The following PDZRN4 variants were observed in gnomAD, a reference collection of about 807,000 sequenced individuals.
PDZRN4 encodes PDZ domain containing ring finger 4, also known as PDZ domain-containing RING finger protein 4.
In PDZRN4, 70 loss-of-function variants were observed where a neutral mutation model predicts 99.0. That is an observed-to-expected ratio of 0.71 (90% CI 0.58 to 0.86). PDZRN4 has a LOEUF of 0.86. Among genes scored for constraint, PDZRN4 ranks in the 40% least tolerant of loss-of-function variants. The pLI is 0.00. For synonymous variants in PDZRN4, 551 were observed against 501.6 expected (o/e 1.10, Z -1.32); for missense variants, 1,474 against 1,331.2 (o/e 1.11, Z -1.67).
chr12:41,512,734 G>A (rs543333996), intron 5 of PDZRN4, among the ~76,000 whole-genome samples: 1 of 152,194 alleles, frequency 6.6e-6, no homozygotes, highest in South Asian at 2.1e-4. Flanking sequence ...GAGGGAGTGG[G>A]GTATTGGACC....
At chr12:41,342,895 GACA>G (rs1272083055) in intron 3 of PDZRN4, among the ~76,000 whole-genome samples, 4 of 151,832 alleles carry the variant, frequency 2.6e-5, no homozygotes, top group African/African-American at 9.7e-5. Context: ...ACATAGAAGA[GACA>G]ACTACACTCC....
chr12:41,197,083 T>C (rs1174795941), intron 3 of PDZRN4, among the ~76,000 whole-genome samples: 3 of 152,136 alleles, frequency 2.0e-5, no homozygotes, highest in Admixed American at 6.5e-5. Flanking sequence ...AGAGATTCTA[T>C]GGTTTATATA....
intron 3 of PDZRN4, among the ~76,000 whole-genome samples, chr12:41,242,890 C>T (rs1458593371): frequency 6.6e-6 from 1 of 152,164 alleles, no homozygotes; most frequent in East Asian, 1.9e-4. Flanking sequence ...CTCAGCATAG[C>T]CACTGCCCAG....
chr12:41,435,293 T>C (rs1182555214), intron 3 of PDZRN4, among the ~76,000 whole-genome samples: 2 of 152,230 alleles, frequency 1.3e-5, no homozygotes, highest in Non-Finnish European at 2.9e-5. Context: ...GATTGTTTCA[T>C]TGTTCTTTAA....
At position 41,376,079 on chromosome 12, in the gene PDZRN4, A is replaced by AT. The variant is rs562947276; in HGVS notation, c.844-130370dup. Reference sequence around the variant, plus strand: ...TCATCACAAATAGCAGGATTTCCTTATTTTTTTCCTTGGATATGGCTGAAT... The same window carrying AT: ...TCATCACAAATAGCAGGATTTCCTTATTTTTTTTCCTTGGATATGGCTGAAT... On this transcript the variant is annotated intron_variant, in intron 3 of 9. Coordinates refer to ENST00000402685, the MANE Select transcript of PDZRN4 (RefSeq NM_001164595.2). 4.7e-3 allele frequency among the ~76,000 whole-genome samples: 717 copies of AT among 151,938 alleles called. 7 individuals are homozygous for AT. The highest frequency in any genetic ancestry group is 0.017 in the Middle Eastern group (5 of 294).
intron 3 of PDZRN4, among the ~76,000 whole-genome samples, chr12:41,276,291 A>G (rs1009337521): frequency 6.6e-6 from 1 of 152,138 alleles, no homozygotes; most frequent in Non-Finnish European, 1.5e-5. Flanking sequence ...GGGACCTAAT[A>G]CAAGAAAGCA....
chr12:41,248,617 G>A (rs926217983), intron 3 of PDZRN4, among the ~76,000 whole-genome samples: 1 of 152,010 alleles, frequency 6.6e-6, no homozygotes, highest in African/African-American at 2.4e-5. Flanking sequence ...AAAGAACTCA[G>A]GTCATTTATG....
chr12:41,525,351 T>G (rs892036192), intron 5 of PDZRN4, among the ~76,000 whole-genome samples: 4 of 152,202 alleles, frequency 2.6e-5, no homozygotes, highest in Non-Finnish European at 4.4e-5. Flanking sequence ...CAAGCTTCAC[T>G]GCTTAGTACT....
At chr12:41,536,309 A>C (rs150418963) in intron 5 of PDZRN4, among the ~76,000 whole-genome samples, 2 of 152,332 alleles carry the variant, frequency 1.3e-5, no homozygotes, top group African/African-American at 4.8e-5. Context: ...ATAAATACAC[A>C]TTACTAAGTG....
chr12:41,416,815 A>G (rs955087598), intron 3 of PDZRN4, among the ~76,000 whole-genome samples: 4 of 152,158 alleles, frequency 2.6e-5, no homozygotes, highest in African/African-American at 7.2e-5. Flanking sequence ...GTTCTGAAGT[A>G]TGTGTAGGAT....
At chr12:41,232,330 A>G (rs1490221628) in intron 3 of PDZRN4, among the ~76,000 whole-genome samples, 1 of 152,062 alleles carries the variant, frequency 6.6e-6, no homozygotes, top group African/African-American at 2.4e-5. Context: ...GAATGGCATT[A>G]TTATGCTTTC....
intron 3 of PDZRN4, among the ~76,000 whole-genome samples, chr12:41,300,565 C>A (rs1951528946): frequency 6.6e-6 from 1 of 151,718 alleles, no homozygotes; most frequent in Non-Finnish European, 1.5e-5. Flanking sequence ...TTATTTTTTC[C>A]CTTGTGGTCA....
In PDZRN4 at chr12:41,194,110, A is replaced by C. The variant is rs778073928; in HGVS notation, c.765A>C (p.Gly255=). The C allele has an allele frequency of 6.5e-7, 1 of 1,548,518 alleles. No individual in the cohort carries two copies. The highest frequency in any genetic ancestry group is 8.8e-7 in the Non-Finnish European group (1 of 1,133,394). ...ATCAGGAAGGAACATCGACTGAAGG[A>C]ATTTACGTTTCAAAAATTTTAGAAA... The part of the protein sequence containing the change: ...QNNQEGTSTE[G]IYVSKILENG... The change falls in exon 3 of 10, where the codon GGA becomes GGC. Residue 255 remains glycine (G), a synonymous_variant. Coordinates refer to ENST00000402685, the MANE Select transcript of PDZRN4 (RefSeq NM_001164595.2).
intron 3 of PDZRN4, among the ~76,000 whole-genome samples, chr12:41,195,397 G>A (rs1591963052): frequency 6.6e-6 from 1 of 152,072 alleles, no homozygotes; most frequent in African/African-American, 2.4e-5. Flanking sequence ...AATGGAGGCA[G>A]ATTTTCTATA....
At chr12:41,229,209 T>C (rs953520568) in intron 3 of PDZRN4, among the ~76,000 whole-genome samples, 2 of 151,508 alleles carry the variant, frequency 1.3e-5, no homozygotes, top group Non-Finnish European at 3.0e-5. Flanking sequence ...GATGAAATAA[T>C]GTGCCTGTTT....
intron 5 of PDZRN4, among the ~76,000 whole-genome samples, chr12:41,513,336 C>T (rs1170561117): frequency 6.6e-6 from 1 of 151,952 alleles, no homozygotes; most frequent in African/African-American, 2.4e-5. Context: ...TCACCATGAC[C>T]TATCACCAAT....
chr12:41,286,242 A>G (rs1951421311), intron 3 of PDZRN4, among the ~76,000 whole-genome samples: 1 of 151,984 alleles, frequency 6.6e-6, no homozygotes, highest in Admixed American at 6.6e-5. Flanking sequence ...AGCAACATAA[A>G]ATCTGACTTT....
intron 3 of PDZRN4, among the ~76,000 whole-genome samples, chr12:41,245,469 C>T (rs1277441476): frequency 6.6e-6 from 1 of 152,040 alleles, no homozygotes; most frequent in Non-Finnish European, 1.5e-5. Flanking sequence ...GATATGACAA[C>T]CCCTCTAGTA....
chr12:41,472,376 G>A (rs906392361), intron 3 of PDZRN4, among the ~76,000 whole-genome samples: 7 of 152,102 alleles, frequency 4.6e-5, no homozygotes, highest in African/African-American at 1.7e-4. Context: ...TTAATCCACT[G>A]TGACAAAACA....
Sources: allele counts gnomAD v4.1 joint callset (sites outside exome capture counted in the v4.1 genomes callset), GRCh38; gene constraint gnomAD v4.1.1; transcripts MANE v1.5; gene names NCBI Gene and HGNC (gene_info 2026-07-23, HGNC 2026-07-21).